Variants in CLOCK observed in about 807,000 individuals in gnomAD.
CLOCK encodes circadian locomoter output cycles protein kaput.
CLOCK carries 43 observed loss-of-function variants against 118.4 expected under a neutral mutation model. The ratio of observed to expected loss-of-function variants is 0.36; its 90% confidence interval spans 0.28 to 0.47. CLOCK has a LOEUF of 0.47. Among genes scored for constraint, CLOCK ranks in the 20% least tolerant of loss-of-function variants. The pLI is 1.00. For missense variants in CLOCK, 846 were observed against 999.9 expected, an observed-to-expected ratio of 0.85 and a Z score of 2.08; for synonymous variants, 326 against 339.2, an observed-to-expected ratio of 0.96 and a Z score of 0.43.
chr4:55,512,212 G>T (rs1729198488), intron 1 of CLOCK, among the ~76,000 whole-genome samples: 1 of 152,152 alleles, frequency 6.6e-6, no homozygotes, highest in Non-Finnish European at 1.5e-5. Flanking sequence ...AGCAATGAAT[G>T]AGAGTTCCTG....
chr4:55,468,227 T>A (rs1465045436), intron 8 of CLOCK, among the ~76,000 whole-genome samples: 1 of 152,104 alleles, frequency 6.6e-6, no homozygotes, highest in Admixed American at 6.5e-5. Flanking sequence ...CTGAAAGCAT[T>A]AGCATTAAAG....
intron 1 of CLOCK, among the ~76,000 whole-genome samples, chr4:55,539,903 G>C (rs796398155): frequency 3.3e-5 from 5 of 151,882 alleles, no homozygotes; most frequent in South Asian, 2.1e-4. Flanking sequence ...CATCATATAA[G>C]TATACATATA....
chr4:55,456,226 T>C lies in CLOCK; in HGVS notation c.867A>G (p.Leu289=), dbSNP rs768617107. The C allele has an allele frequency of 2.5e-6, 4 of 1,592,088 alleles. No homozygotes were observed. The South Asian group carries it at 4.5e-5, about 18-fold the overall frequency. The change falls in exon 12 of 23, where the codon CTA becomes CTG. Residue 289 remains leucine (L), a synonymous_variant. Coordinates refer to ENST00000513440, the MANE Select transcript of CLOCK (RefSeq NM_004898.4). The part of the protein sequence containing the change: ...RHSLEWKFLF[L]DHRAPPIIGY... ...TTTAAAAATGGAATTACCTGTGATCTAGAAACAGAAACTTCCATTCTAAAC... is the reference window on the plus strand; with the variant it reads ...TTTAAAAATGGAATTACCTGTGATCCAGAAACAGAAACTTCCATTCTAAAC...
At chr4:55,455,243 ATG>A (rs1724835755) in intron 13 of CLOCK, among the ~76,000 whole-genome samples, 1 of 152,156 alleles carries the variant, frequency 6.6e-6, no homozygotes, top group Non-Finnish European at 1.5e-5. Context: ...AAATAAATAC[ATG>A]TGATAAAAAG....
chr4:55,444,984 T>C (rs553651633), intron 18 of CLOCK, among the ~76,000 whole-genome samples, 199 bp from the exon 19 acceptor site: 1 of 152,280 alleles, frequency 6.6e-6, no homozygotes, highest in South Asian at 2.1e-4. Context: ...TATTTCTCCT[T>C]TGCCAGCAGG....
intron 1 of CLOCK, among the ~76,000 whole-genome samples, chr4:55,510,318 TG>T (rs1354645237): frequency 6.6e-6 from 1 of 152,088 alleles, no homozygotes; most frequent in Non-Finnish European, 1.5e-5. Flanking sequence ...ACCAGTTTGC[TG>T]GAAATTGGTT....
At chr4:55,537,149 T>C (rs1415399651) in intron 1 of CLOCK, among the ~76,000 whole-genome samples, 1 of 152,052 alleles carries the variant, frequency 6.6e-6, no homozygotes, top group Non-Finnish European at 1.5e-5. Flanking sequence ...GGAAAGAAAT[T>C]ATAAAGTACT....
intron 6 of CLOCK, among the ~76,000 whole-genome samples, chr4:55,477,352 ACT>A (rs1726585183): frequency 6.6e-6 from 1 of 152,098 alleles, no homozygotes. Context: ...AACAATAGGC[ACT>A]GAGGTTAGTG....
rs5858333 is a variant in CLOCK, at chr4:55,434,882, G to GA, written c.*532dup. 57,445 of 169,778 alleles carry GA rather than the reference G, an allele frequency of 0.34. 10,582 individuals are homozygous for GA. Among genetic ancestry groups the GA allele is most frequent in the East Asian group, 0.58 (3,583 of 6,154 alleles). 10.5% of individuals were successfully genotyped at this position (169,778 alleles called of 1,614,324 possible). A position where few individuals can be genotyped will look rare whatever the true frequency, so the allele number is the denominator to read the frequency against. On this transcript the variant is annotated 3_prime_UTR_variant, in exon 23 of 23. Transcript: ENST00000513440. ...TATTTTTACATCATCTGTACATAGAGAATTTGAACCCACACAACATTCTGA... is the reference window on the plus strand; with the variant it reads ...TATTTTTACATCATCTGTACATAGAGAAATTTGAACCCACACAACATTCTGA...
At chr4:55,479,285 T>C (rs1321001355) in intron 5 of CLOCK, among the ~76,000 whole-genome samples, 1 of 152,110 alleles carries the variant, frequency 6.6e-6, no homozygotes, top group Non-Finnish European at 1.5e-5. Flanking sequence ...TATAAATATA[T>C]GTACTAAATG....
intron 1 of CLOCK, among the ~76,000 whole-genome samples, chr4:55,518,659 C>T (rs1415961876): frequency 2.0e-5 from 3 of 152,178 alleles, no homozygotes; most frequent in African/African-American, 4.8e-5. Context: ...CCTGAGGGAG[C>T]TTGTTCCCCT....
intron 9 of CLOCK, among the ~76,000 whole-genome samples, chr4:55,463,106 A>C (rs555050928): frequency 2.0e-5 from 3 of 152,174 alleles, no homozygotes; most frequent in Non-Finnish European, 4.4e-5. Context: ...GACCTAGTAG[A>C]AATGTCTGAT....
At chr4:55,541,786 G>A (rs965440116) in intron 1 of CLOCK, among the ~76,000 whole-genome samples, 1 of 151,896 alleles carries the variant, frequency 6.6e-6, no homozygotes, top group Non-Finnish European at 1.5e-5. Context: ...CAGCGGGAAA[G>A]CTTAAAAAAA....
chr4:55,518,319 C>T lies in CLOCK; in HGVS notation c.-289-8254G>A, dbSNP rs116220004. 2.3e-3 allele frequency among the ~76,000 whole-genome samples: 348 copies of T among 152,128 alleles called. 2 individuals carry two copies. Among genetic ancestry groups the T allele is most frequent in the Admixed American group, 3.9e-3 (60 of 15,268 alleles). ...TGGGGTAAATGCAGAGGAGAGAGGA[C>T]GGGGAGAATTTATCTGACCAGTGCT... On this transcript the variant is annotated intron_variant, in intron 1 of 22. Coordinates refer to ENST00000513440, the MANE Select transcript of CLOCK (RefSeq NM_004898.4).
intron 3 of CLOCK, among the ~76,000 whole-genome samples, chr4:55,487,642 T>A (rs1457835234): frequency 2.6e-5 from 4 of 152,144 alleles, no homozygotes; most frequent in Admixed American, 1.3e-4. Flanking sequence ...GCTGCCTTGG[T>A]TCCAAAGTTA....
chr4:55,471,086 G>T (rs1312591022), intron 7 of CLOCK, among the ~76,000 whole-genome samples: 1 of 152,144 alleles, frequency 6.6e-6, no homozygotes, highest in Non-Finnish European at 1.5e-5. Context: ...TATATTACAT[G>T]ATCCAATCAT....
intron 1 of CLOCK, among the ~76,000 whole-genome samples, chr4:55,527,873 T>A (rs1730305814): frequency 6.6e-6 from 1 of 151,348 alleles, no homozygotes; most frequent in Admixed American, 6.6e-5. Context: ...CGAGATCTCA[T>A]CTCTACCATA....
At chr4:55,473,473 G>A (rs995729715) in intron 7 of CLOCK, among the ~76,000 whole-genome samples, 1 of 152,062 alleles carries the variant, frequency 6.6e-6, no homozygotes, top group Admixed American at 6.6e-5. Flanking sequence ...TAACATTTCT[G>A]CTGAATACAT....
intron 1 of CLOCK, among the ~76,000 whole-genome samples, chr4:55,512,648 T>C (rs1178687756): frequency 6.6e-6 from 1 of 152,204 alleles, no homozygotes; most frequent in Non-Finnish European, 1.5e-5. Context: ...CCAAACCCAG[T>C]CATCTAGATA....
Sources: gnomAD v4.1 joint callset for allele counts (sites outside exome capture counted in the v4.1 genomes callset) on GRCh38, gnomAD v4.1.1 for gene constraint, MANE v1.5 for transcripts, NCBI Gene and HGNC (gene_info 2026-07-23, HGNC 2026-07-21) for gene names.